The following LRP1B variants were observed in gnomAD, a reference collection of about 807,000 sequenced individuals.
LRP1B encodes LDL receptor related protein 1B.
In LRP1B, 217 loss-of-function variants were observed where a neutral mutation model predicts 556.6. The ratio of observed to expected loss-of-function variants is 0.39; its 90% confidence interval spans 0.35 to 0.44. The LOEUF is 0.44. Ranked by LOEUF, LRP1B falls within the 20% of genes least tolerant of loss-of-function variation. The pLI is 1.00. For missense variants in LRP1B, 5,053 were observed against 5,620.8 expected (o/e 0.90, Z 3.23); for synonymous variants, 2,047 against 1,865.8 (o/e 1.10, Z -2.50).
At chr2:141,402,275 T>C (rs1690476137) in intron 3 of LRP1B, among the ~76,000 whole-genome samples, 1 of 152,130 alleles carries the variant, frequency 6.6e-6, no homozygotes. Flanking sequence ...TCAAAGTTTT[T>C]ACTAATATTA....
chr2:141,637,051 T>C (rs1158388186), intron 2 of LRP1B, among the ~76,000 whole-genome samples: 4 of 152,162 alleles, frequency 2.6e-5, no homozygotes, highest in African/African-American at 9.7e-5. Flanking sequence ...GAATTTTTTC[T>C]CGAGAATATA....
At chr2:141,966,624 T>C (rs1444779169) in intron 1 of LRP1B, among the ~76,000 whole-genome samples, 1 of 151,586 alleles carries the variant, frequency 6.6e-6, no homozygotes, top group Non-Finnish European at 1.5e-5. Flanking sequence ...CCTACCTGTT[T>C]TGTCTCTTCA....
chr2:142,021,713 T>G (rs1703336636), intron 1 of LRP1B, among the ~76,000 whole-genome samples: 1 of 152,088 alleles, frequency 6.6e-6, no homozygotes, highest in Non-Finnish European at 1.5e-5. Context: ...AATGTTGCAA[T>G]GATATTAAAC....
At chr2:140,525,821 G>A in intron 49 of LRP1B, 23 bp downstream of exon 49, 1 of 1,605,698 alleles carries the variant, frequency 6.2e-7, no homozygotes, top group Non-Finnish European at 8.5e-7. Flanking sequence ...CAAAGCCTGT[G>A]TTTTTCTAAA....
chr2:141,715,590 G>A (rs1477233890), intron 2 of LRP1B, among the ~76,000 whole-genome samples: 2 of 152,094 alleles, frequency 1.3e-5, no homozygotes, highest in Non-Finnish European at 2.9e-5. Flanking sequence ...TGAGGCAGCC[G>A]GATCACCTGA....
intron 7 of LRP1B, among the ~76,000 whole-genome samples, chr2:141,146,560 G>A (rs1026929251): frequency 6.6e-6 from 1 of 152,142 alleles, no homozygotes; most frequent in Admixed American, 6.6e-5. Flanking sequence ...AATGTATCAA[G>A]GGAGTGATTA....
chr2:140,848,329 T>C (rs1176220114), intron 29 of LRP1B, among the ~76,000 whole-genome samples: 1 of 152,218 alleles, frequency 6.6e-6, no homozygotes, highest in Admixed American at 6.5e-5. Flanking sequence ...TTTGCTTTTT[T>C]ATAAAAATTC....
chr2:140,971,035 T>G (rs1696405323), intron 18 of LRP1B, among the ~76,000 whole-genome samples: 1 of 152,154 alleles, frequency 6.6e-6, no homozygotes, highest in South Asian at 2.1e-4. Flanking sequence ...TGAGCCACCG[T>G]GCTCAGCCTC....
chr2:140,748,822 ATATATCATATAT>A (rs1688464885), intron 35 of LRP1B, among the ~76,000 whole-genome samples: 1 of 92,570 alleles, frequency 1.1e-5, no homozygotes, highest in African/African-American at 4.6e-5. Flanking sequence ...TGTATATAAT[ATATATCATATAT>A]TATATACATG....
intron 25 of LRP1B, among the ~76,000 whole-genome samples, chr2:140,875,072 C>T (rs1421263011): frequency 6.7e-6 from 1 of 149,820 alleles, no homozygotes; most frequent in Non-Finnish European, 1.5e-5. Flanking sequence ...ATGGTGACAG[C>T]AATTAAAGCC....
chr2:142,026,947 C>A (rs1703527737), intron 1 of LRP1B, among the ~76,000 whole-genome samples: 1 of 151,952 alleles, frequency 6.6e-6, no homozygotes. Context: ...AACATGAGCA[C>A]TCAGCCAAAA....
chr2:140,523,689 T>A (rs746668476), intron 49 of LRP1B, among the ~76,000 whole-genome samples: 1 of 151,788 alleles, frequency 6.6e-6, no homozygotes, highest in African/African-American at 2.4e-5. Flanking sequence ...GATGCAAAAT[T>A]AATGTATAAA....
chr2:141,461,299 A>C (rs1681860180), intron 3 of LRP1B, among the ~76,000 whole-genome samples: 1 of 152,180 alleles, frequency 6.6e-6, no homozygotes, highest in Non-Finnish European at 1.5e-5. Flanking sequence ...TAGAAAAATT[A>C]AAAGGACATT....
chr2:141,436,650 A>G (rs113878170), intron 3 of LRP1B, among the ~76,000 whole-genome samples: 1,526 of 152,248 alleles, frequency 0.01, 11 homozygotes, highest in Non-Finnish European at 0.016. Context: ...CTTTAATAAA[A>G]TTGTATTATT....
intron 7 of LRP1B, among the ~76,000 whole-genome samples, chr2:141,109,676 A>G (rs1558866796): frequency 6.6e-6 from 1 of 151,948 alleles, no homozygotes; most frequent in South Asian, 2.1e-4. Context: ...CAAAAAAAAA[A>G]AAAAATACTT....
chr2:141,949,602 A>G (rs930860026), intron 1 of LRP1B, among the ~76,000 whole-genome samples: 4 of 152,074 alleles, frequency 2.6e-5, no homozygotes, highest in Non-Finnish European at 4.4e-5. Flanking sequence ...GTTGGCCAGG[A>G]TGGTCTGTAT....
intron 1 of LRP1B, among the ~76,000 whole-genome samples, chr2:142,031,610 A>T (rs1159420513): frequency 6.7e-6 from 1 of 149,214 alleles, no homozygotes; most frequent in Non-Finnish European, 1.5e-5. Flanking sequence ...CATATTGTCA[A>T]CTAAAAAAAA....
intron 7 of LRP1B, among the ~76,000 whole-genome samples, chr2:141,101,774 T>G (rs1700468642): frequency 6.6e-6 from 1 of 152,178 alleles, no homozygotes; most frequent in Admixed American, 6.6e-5. Flanking sequence ...CCCACGGCAT[T>G]AATAAATGCT....
At chr2:140,732,086 T>C (rs191896281) in intron 35 of LRP1B, among the ~76,000 whole-genome samples, 2 of 152,230 alleles carry the variant, frequency 1.3e-5, no homozygotes, top group East Asian at 3.9e-4. Context: ...TTATGTGATG[T>C]CTTGGGTTTG....
Sources: allele counts gnomAD v4.1 joint callset (sites outside exome capture counted in the v4.1 genomes callset), GRCh38; gene constraint gnomAD v4.1.1; transcripts MANE v1.5; gene names NCBI Gene and HGNC (gene_info 2026-07-23, HGNC 2026-07-21).